PAK1: variants seen among roughly 807,000 people sequenced by gnomAD.
PAK1 encodes serine/threonine-protein kinase PAK 1.
PAK1 carries 29 observed loss-of-function variants against 67.4 expected under a neutral mutation model. That is an observed-to-expected ratio of 0.43 (90% CI 0.32 to 0.59). The LOEUF is 0.59. Ranked by LOEUF, PAK1 falls within the 20% of genes least tolerant of loss-of-function variation. The probability of loss-of-function intolerance (pLI) is 0.07; values close to 1 mark genes in which losing one functional copy is unlikely to be tolerated. For missense variants in PAK1, 337 were observed against 670.7 expected, an observed-to-expected ratio of 0.50 and a Z score of 5.50; for synonymous variants, 223 against 237.4, an observed-to-expected ratio of 0.94 and a Z score of 0.56.
chr11:77,446,511 CAA>C (rs56952838), intron 1 of PAK1, among the ~76,000 whole-genome samples: 8 of 60,652 alleles, frequency 1.3e-4, no homozygotes, highest in East Asian at 8.7e-4. Flanking sequence ...GACCCTGTCT[CAA>C]AAAAAAAAAA....
chr11:77,369,444 C>CTTTTTT (rs147630042), intron 5 of PAK1, among the ~76,000 whole-genome samples: 595 of 86,694 alleles, frequency 6.9e-3, no homozygotes, highest in Middle Eastern at 0.01. Flanking sequence ...TTATACATTT[C>CTTTTTT]TTTTTTTTTT....
chr11:77,478,594 G>A (rs145956919), upstream of PAK1, among the ~76,000 whole-genome samples: 878 of 151,472 alleles, frequency 5.8e-3, 24 homozygotes, highest in Admixed American at 0.039. Context: ...GCAACATGGC[G>A]AAACCCCAAT....
chr11:77,354,645 C>T lies in PAK1; in HGVS notation c.772+1023G>A, dbSNP rs116164708. Among the ~76,000 whole-genome samples, 878 of 152,228 alleles carry T rather than the reference C, an allele frequency of 5.8e-3. 19 individuals carry two copies. The highest frequency in any genetic ancestry group is 0.021 in the African/African-American group (853 of 41,534). On this transcript the variant is annotated intron_variant, in intron 7 of 14. Transcript: ENST00000356341. ...AGTAAACAGATGACTAGGTAAGTGG[C>T]TTTTCTTACTTTGTCATTTTATGAG... is the stretch of plus-strand genomic sequence containing the variant.
At chr11:77,371,456 T>C (rs2136919604) in intron 5 of PAK1, among the ~76,000 whole-genome samples, 1 of 152,286 alleles carries the variant, frequency 6.6e-6, no homozygotes. Flanking sequence ...TATTTTGGCA[T>C]AAAGAAGATA....
intron 1 of PAK1, among the ~76,000 whole-genome samples, chr11:77,431,880 A>G (rs1352811383): frequency 6.6e-6 from 1 of 152,214 alleles, no homozygotes; most frequent in Non-Finnish European, 1.5e-5. Context: ...TGCCAATCCT[A>G]TAACTGCTGA....
chr11:77,455,939 T>C (rs1957061165), intron 1 of PAK1: 2 of 152,220 alleles, frequency 1.3e-5, no homozygotes, highest in Admixed American at 6.5e-5. Flanking sequence ...GTATGTCATC[T>C]GGTAGAAAGG....
At chr11:77,456,766 G>T (rs1321754855) in intron 1 of PAK1, among the ~76,000 whole-genome samples, 1 of 151,504 alleles carries the variant, frequency 6.6e-6, no homozygotes, top group African/African-American at 2.4e-5. Flanking sequence ...TTTTCAGACG[G>T]AGTCTCGCAC....
At chr11:77,506,945 T>C in the PAK1 span, among the ~76,000 whole-genome samples, 1 of 152,160 alleles carries the variant, frequency 6.6e-6, no homozygotes, top group Non-Finnish European at 1.5e-5. Context: ...TTTAAGCATA[T>C]AGGCTCCATG....
chr11:77,469,946 A>G (rs1187451622), intron 1 of PAK1, among the ~76,000 whole-genome samples: 1 of 152,140 alleles, frequency 6.6e-6, no homozygotes, highest in African/African-American at 2.4e-5. Flanking sequence ...TCATTTCTTT[A>G]TCATAAACAG....
intron 1 of PAK1, among the ~76,000 whole-genome samples, chr11:77,463,633 G>A (rs1045747199): frequency 1.3e-5 from 2 of 152,182 alleles, no homozygotes; most frequent in African/African-American, 4.8e-5. Context: ...AAAAGTGCTT[G>A]TTCATCTCCT....
chr11:77,528,297 G>A, the PAK1 span, among the ~76,000 whole-genome samples: 4 of 150,500 alleles, frequency 2.7e-5, no homozygotes, highest in Admixed American at 1.3e-4. Context: ...TCCAATCCAC[G>A]TAATTTTCCT....
chr11:77,398,492 T>A (rs908984554), intron 1 of PAK1, among the ~76,000 whole-genome samples: 2 of 152,186 alleles, frequency 1.3e-5, no homozygotes. Context: ...GTTCCATCCA[T>A]GTTGTTGCAA....
At chr11:77,430,647 CTA>C (rs1353737744) in intron 1 of PAK1, among the ~76,000 whole-genome samples, 1 of 152,228 alleles carries the variant, frequency 6.6e-6, no homozygotes, top group East Asian at 1.9e-4. Context: ...AATATGGACT[CTA>C]GAGTTAGATC....
At chr11:77,329,946 CAAAATCAATGTACA>C (rs1329633476) in intron 14 of PAK1, among the ~76,000 whole-genome samples, 1 of 151,950 alleles carries the variant, frequency 6.6e-6, no homozygotes, top group Non-Finnish European at 1.5e-5. Context: ...TCTCAGGATA[CAAAATCAATGTACA>C]AAAATCACAA....
At chr11:77,365,018 G>A (rs1348523737) in intron 5 of PAK1, among the ~76,000 whole-genome samples, 2 of 152,102 alleles carry the variant, frequency 1.3e-5, no homozygotes, top group African/African-American at 2.4e-5. Context: ...GGAGGCCAAG[G>A]TGGGCGGATC....
chr11:77,351,747 T>TA (rs1229887261), intron 8 of PAK1, among the ~76,000 whole-genome samples: 1 of 151,274 alleles, frequency 6.6e-6, no homozygotes, highest in Non-Finnish European at 1.5e-5. Flanking sequence ...GGTGTATAAT[T>TA]TAAAAAAAAA....
intron 1 of PAK1, among the ~76,000 whole-genome samples, chr11:77,395,589 T>C (rs555405126): frequency 8.6e-5 from 13 of 151,480 alleles, no homozygotes; most frequent in African/African-American, 3.2e-4. Flanking sequence ...TATTTACTTA[T>C]ACACACACAC....
chr11:77,524,300 A>T, the PAK1 span, among the ~76,000 whole-genome samples: 1 of 152,012 alleles, frequency 6.6e-6, no homozygotes, highest in African/African-American at 2.4e-5. Flanking sequence ...ATCCCAACAT[A>T]CTTTAAATTT....
At position 77,429,056 on chromosome 11, in the gene PAK1, TAAAAAAA is replaced by T. The variant is rs566874549; in HGVS notation, c.-21-36522_-21-36516del. On this transcript the variant is annotated intron_variant, in intron 1 of 14. Coordinates refer to ENST00000356341, the MANE Select transcript of PAK1 (RefSeq NM_002576.5). ...TTGGATTCTAAATGCCATTTAATAC[TAAAAAAA>T]AAAAAAAAAAAAAAAAAAAAAAAAA... Among the ~76,000 whole-genome samples the T allele has an allele frequency of 2.4e-3, 119 of 48,952 alleles. 1 individual carries two copies. Among genetic ancestry groups the T allele is most frequent in the African/African-American group, 3.2e-3 (25 of 7,752 alleles). 32.1% of individuals were successfully genotyped at this position (48,952 alleles called of 152,430 possible).
Sources: gnomAD v4.1 joint callset for allele counts (sites outside exome capture counted in the v4.1 genomes callset) on GRCh38, gnomAD v4.1.1 for gene constraint, MANE v1.5 for transcripts, NCBI Gene and HGNC (gene_info 2026-07-23, HGNC 2026-07-21) for gene names.